Variants in RELCH observed in about 807,000 individuals in gnomAD.
RELCH encodes the protein RAB11 binding and LisH domain, coiled-coil and HEAT repeat containing.
RELCH carries 41 observed loss-of-function variants against 150.3 expected under a neutral mutation model. That is an observed-to-expected ratio of 0.27 (90% CI 0.21 to 0.35). The LOEUF is 0.35. RELCH is among the 10% of genes least tolerant of loss of function. RELCH has a pLI of 1.00. For missense variants in RELCH, 1,092 were observed against 1,467.8 expected, an observed-to-expected ratio of 0.74 and a Z score of 4.18; for synonymous variants, 478 against 531.8, an observed-to-expected ratio of 0.90 and a Z score of 1.39.
At chr18:62,193,832 A>C (rs1319980025) in intron 1 of RELCH, among the ~76,000 whole-genome samples, 1 of 152,094 alleles carries the variant, frequency 6.6e-6, no homozygotes, top group South Asian at 2.1e-4. Flanking sequence ...TTTTAAATTA[A>C]GGTTTTTTAC....
At chr18:62,252,991 C>A (rs1409009609) in intron 12 of RELCH, among the ~76,000 whole-genome samples, 1 of 152,038 alleles carries the variant, frequency 6.6e-6, no homozygotes, top group Non-Finnish European at 1.5e-5. Flanking sequence ...CTGAGGTAGT[C>A]ACTAGGGATA....
intron 19 of RELCH, chr18:62,268,485 C>CTATGTGCT (rs528668735): frequency 5.7e-4 from 90 of 157,598 alleles, no homozygotes; most frequent in Admixed American, 1.0e-3. Context: ...TAACATATAT[C>CTATGTGCT]TATGTGCTTT....
chr18:62,189,495 T>C (rs892150213), intron 1 of RELCH, among the ~76,000 whole-genome samples: 5 of 152,284 alleles, frequency 3.3e-5, no homozygotes, highest in African/African-American at 1.2e-4. Context: ...CATTGGTCAG[T>C]TCTTCAGAGA....
rs534274955 is a variant in RELCH at position 62,291,514 on chromosome 18, T to C, written c.3371-29T>C. ...TGTTGGACATACCAATTTGGTTTTG[T>C]TTAATTCCCTTAACTACCTTGTCCC... On this transcript the variant is annotated intron_variant, in intron 26 of 28. Transcript: ENST00000644646. 14 of 1,478,940 alleles carry C rather than the reference T, an allele frequency of 9.5e-6. No individual in the cohort carries two copies. In the South Asian group the frequency reaches 1.7e-4, roughly 18 times the overall value. The allele number at this position is 1,478,940 out of a possible 1,614,324, so 91.6% of individuals were successfully genotyped here.
intron 9 of RELCH, 68 bp downstream of exon 9, chr18:62,231,337 C>A (rs1568351717): frequency 2.0e-6 from 2 of 979,948 alleles, no homozygotes; most frequent in East Asian, 4.9e-5. Flanking sequence ...TTTTAAGTTT[C>A]TCTTCTACAG....
chr18:62,294,049 T>C (rs2045287088), intron 27 of RELCH, among the ~76,000 whole-genome samples: 1 of 152,218 alleles, frequency 6.6e-6, no homozygotes, highest in South Asian at 2.1e-4. Flanking sequence ...TTTGCAAAAG[T>C]AGTTATTTTA....
intron 19 of RELCH, among the ~76,000 whole-genome samples, chr18:62,268,104 TA>T (rs747356062): frequency 5.3e-4 from 81 of 152,126 alleles, no homozygotes; most frequent in Non-Finnish European, 9.0e-4. Flanking sequence ...TAAAGCCATA[TA>T]AAAAATAAGT....
intron 11 of RELCH, among the ~76,000 whole-genome samples, chr18:62,248,603 T>G (rs2042540859): frequency 6.6e-6 from 1 of 152,176 alleles, no homozygotes; most frequent in Admixed American, 6.5e-5. Flanking sequence ...CTCCTAAACA[T>G]TCCCCTTTTT....
chr18:62,283,307 G>A (rs967456670), intron 25 of RELCH, among the ~76,000 whole-genome samples: 10 of 152,060 alleles, frequency 6.6e-5, no homozygotes, highest in Non-Finnish European at 8.8e-5. Context: ...CTCTTTTACT[G>A]TGGGCCTCAA....
chr18:62,270,879 G>A (rs1490930813), intron 20 of RELCH, among the ~76,000 whole-genome samples: 1 of 151,946 alleles, frequency 6.6e-6, no homozygotes, highest in Admixed American at 6.6e-5. Context: ...CCACCTATGA[G>A]TGAGAACATG....
intron 9 of RELCH, 94 bp from the exon 10 acceptor site, chr18:62,232,238 G>A (rs2041627940): frequency 1.4e-6 from 1 of 707,076 alleles, no homozygotes; most frequent in East Asian, 2.6e-5. Flanking sequence ...TGTGTTTAGG[G>A]CAGAGGTATC....
intron 10 of RELCH, chr18:62,235,014 A>G (rs2041807460): frequency 6.6e-6 from 1 of 151,902 alleles, no homozygotes; most frequent in Non-Finnish European, 1.5e-5. Context: ...TGCCAAGTCA[A>G]TCAATGTTAT....
chr18:62,255,288 G>A (rs937327620), intron 12 of RELCH, 119 bp from the exon 13 acceptor site: 1 of 749,482 alleles, frequency 1.3e-6, no homozygotes, highest in African/African-American at 1.8e-5. Flanking sequence ...ATTCCCAGAA[G>A]TGGAAAAGGA....
At chr18:62,257,203 T>C (rs1054764260) in intron 13 of RELCH, among the ~76,000 whole-genome samples, 1 of 152,022 alleles carries the variant, frequency 6.6e-6, no homozygotes, top group Non-Finnish European at 1.5e-5. Flanking sequence ...TGAATTTGTA[T>C]ATTGGTAGCT....
chr18:62,274,224 G>T, intron 21 of RELCH, 138 bp downstream of exon 21: 1 of 583,166 alleles, frequency 1.7e-6, no homozygotes, highest in Non-Finnish European at 3.0e-6. Flanking sequence ...GTTTTTTTGT[G>T]TATTTTAGTT....
intron 25 of RELCH, among the ~76,000 whole-genome samples, chr18:62,283,641 T>C (rs565172817): frequency 6.6e-6 from 1 of 152,314 alleles, no homozygotes; most frequent in South Asian, 2.1e-4. Flanking sequence ...TCATGACATT[T>C]TTTTTCACTA....
intron 16 of RELCH, among the ~76,000 whole-genome samples, chr18:62,263,779 T>C (rs1260172241): frequency 6.6e-6 from 1 of 152,028 alleles, no homozygotes; most frequent in Non-Finnish European, 1.5e-5. Context: ...TAAAATCTTT[T>C]GAGATTTGTT....
rs1356779001 is a variant in RELCH at position 62,187,336 on chromosome 18, C to G, written c.-170C>G. 1 of 531,662 alleles carries G rather than the reference C, an allele frequency of 1.9e-6. No individual in the cohort carries two copies. Among genetic ancestry groups the G allele is most frequent in the Non-Finnish European group, 3.2e-6 (1 of 316,434 alleles). 32.9% of individuals were successfully genotyped at this position (531,662 alleles called of 1,614,324 possible). ...GCAGAGGCTGAGGCATCAGGTGCAG[C>G]TGCATCCGGATCTCCTGCCTTGGAG... On this transcript the variant is annotated 5_prime_UTR_variant, in exon 1 of 29. Transcript: ENST00000644646.
intron 19 of RELCH, among the ~76,000 whole-genome samples, chr18:62,267,492 G>A (rs879391031): frequency 0.062 from 6,221 of 100,838 alleles, 200 homozygotes; most frequent in Middle Eastern, 0.11. Context: ...ATATGTGTGT[G>A]TGTGTGTGTG....
Sources: allele counts gnomAD v4.1 joint callset (sites outside exome capture counted in the v4.1 genomes callset), GRCh38; gene constraint gnomAD v4.1.1; transcripts MANE v1.5; gene names NCBI Gene and HGNC (gene_info 2026-07-23, HGNC 2026-07-21).